The following NT5M variants were observed in gnomAD, a reference collection of about 807,000 sequenced individuals.
NT5M encodes 5'(3')-deoxyribonucleotidase, mitochondrial.
A neutral mutation model predicts 22.2 loss-of-function variants in NT5M; 22 were observed. The observed-to-expected ratio is 0.99, with a 90% CI of 0.71 to 1.41. NT5M has a LOEUF of 1.41. NT5M is among the 40% of genes most tolerant of loss of function. The probability of loss-of-function intolerance (pLI) is 0.00; values close to 1 mark genes in which losing one functional copy is unlikely to be tolerated. For synonymous variants in NT5M, 167 were observed against 133.0 expected (o/e 1.26, Z -1.76); for missense variants, 322 against 314.8 (o/e 1.02, Z -0.17).
chr17:17,328,837 AAAG>A lies in NT5M; in HGVS notation c.429+5596_429+5598del, dbSNP rs1170372348. ...TTGCCAGAACCTTCTTTCTGGCTGG[AAAG>A]AAGGTTTCCCAACATTCTAAACCCA... On this transcript the variant is annotated intron_variant, in intron 3 of 4. Coordinates refer to ENST00000389022, the MANE Select transcript of NT5M (RefSeq NM_020201.4). Among the ~76,000 whole-genome samples, 7 of 152,286 alleles carry A rather than the reference AAAG, an allele frequency of 4.6e-5. No individual in the cohort carries two copies. In the East Asian group the frequency reaches 1.4e-3, roughly 29 times the overall value.
chr17:17,304,414 G>A, intron 1 of NT5M: 1 of 985,428 alleles, frequency 1.0e-6, no homozygotes, highest in Non-Finnish European at 1.2e-6. Context: ...CGACTCCCGA[G>A]GTGTTCTGTC....
intron 3 of NT5M, among the ~76,000 whole-genome samples, chr17:17,324,243 G>C (rs1159850061): frequency 6.6e-6 from 1 of 151,328 alleles, no homozygotes; most frequent in Non-Finnish European, 1.5e-5. Flanking sequence ...CAGAACTCTG[G>C]GAGGCCGATG....
At chr17:17,327,980 C>T (rs1200251627) in intron 3 of NT5M, among the ~76,000 whole-genome samples, 8 of 152,166 alleles carry the variant, frequency 5.3e-5, no homozygotes, top group African/African-American at 1.2e-4. Context: ...TAGCTGAAGA[C>T]GTCTAGTGAG....
At chr17:17,337,151 G>C (rs1228932153) in intron 3 of NT5M, among the ~76,000 whole-genome samples, 1 of 152,184 alleles carries the variant, frequency 6.6e-6, no homozygotes, top group African/African-American at 2.4e-5. Flanking sequence ...TGACTGGGGT[G>C]AGATGATATT....
At chr17:17,313,641 G>C (rs1176114199) in intron 2 of NT5M, among the ~76,000 whole-genome samples, 2 of 152,190 alleles carry the variant, frequency 1.3e-5, no homozygotes, top group Non-Finnish European at 2.9e-5. Context: ...GGGGCTGCGG[G>C]GACACAAATA....
chr17:17,322,873 G>A (rs1223160809), intron 2 of NT5M, among the ~76,000 whole-genome samples: 1 of 152,200 alleles, frequency 6.6e-6, no homozygotes. Context: ...CCAGGCCAGG[G>A]GACTTGCATG....
intron 3 of NT5M, among the ~76,000 whole-genome samples, chr17:17,332,565 C>T (rs546444319): frequency 1.3e-5 from 2 of 152,280 alleles, no homozygotes; most frequent in South Asian, 2.1e-4. Flanking sequence ...AGAACGACAG[C>T]ACCGCTTTAT....
Position 17,303,598 on chromosome 17 carries a change from G to C in NT5M, c.48G>C (p.Ala16=). The C allele has an allele frequency of 2.5e-6, 3 of 1,215,648 alleles. No individual in the cohort carries two copies. The highest frequency in any genetic ancestry group is 3.1e-6 in the Non-Finnish European group (3 of 972,392). 75.3% of individuals were successfully genotyped at this position (1,215,648 alleles called of 1,614,324 possible). ...GWCARRLCSA[A]VPAGRRGAAG... ...GTGCGCGGCGGCTCTGCAGCGCGGC[G>C]GTTCCCGCGGGGCGGCGCGGGGCGG... The change falls in exon 1 of 5, where the codon GCG becomes GCC. Residue 16 remains alanine, a synonymous_variant. Transcript: ENST00000389022.
At chr17:17,320,700 G>T (rs2049132942) in intron 2 of NT5M, among the ~76,000 whole-genome samples, 1 of 152,152 alleles carries the variant, frequency 6.6e-6, no homozygotes, top group South Asian at 2.1e-4. Flanking sequence ...TTTAAAGCAG[G>T]AGTGCAGGCT....
intron 2 of NT5M, among the ~76,000 whole-genome samples, chr17:17,322,011 A>G (rs953055824): frequency 6.6e-6 from 1 of 151,804 alleles, no homozygotes. Flanking sequence ...GTGGAGAGGA[A>G]GTTGTTTGGA....
intron 3 of NT5M, among the ~76,000 whole-genome samples, chr17:17,338,483 G>A (rs2049565761): frequency 6.6e-6 from 1 of 152,084 alleles, no homozygotes; most frequent in Admixed American, 6.5e-5. Context: ...ATGAGCCACT[G>A]CGCCTGGCCT....
intron 3 of NT5M, among the ~76,000 whole-genome samples, chr17:17,329,213 C>T (rs1423727228): frequency 6.6e-6 from 1 of 152,158 alleles, no homozygotes; most frequent in Non-Finnish European, 1.5e-5. Flanking sequence ...CTCCTGACCT[C>T]GTGATCTGCC....
chr17:17,303,661 G>T lies in NT5M; in HGVS notation c.111G>T (p.Arg37=). 1 of 1,546,812 alleles carries T rather than the reference G, an allele frequency of 6.5e-7. No homozygotes were observed. The highest frequency in any genetic ancestry group is 8.7e-7 in the Non-Finnish European group (1 of 1,147,210). Residue 37 remains arginine (R), a synonymous_variant, in exon 1 of 5, where the codon CGG becomes CGT. Coordinates refer to ENST00000389022, the MANE Select transcript of NT5M (RefSeq NM_020201.4). Reference sequence around the variant, plus strand: ...GCCTGGCGGGAGGCCGCGCCCTACGGGTGCTGGTGGACATGGACGGCGTGC... The same window carrying T: ...GCCTGGCGGGAGGCCGCGCCCTACGTGTGCTGGTGGACATGGACGGCGTGC... ...GLGLAGGRAL[R]VLVDMDGVLA...
chr17:17,303,775 C>T lies in NT5M; in HGVS notation c.225C>T (p.Phe75=), dbSNP rs1284092101. ...TCGCGCTGGAGGACCGGCGCGGCTT[C>T]TGGGTGTCGGAGCAGTACGGCCGCC... ...PFIALEDRRG[F]WVSEQYGRLR... is the part of the protein sequence containing the mutation. The change falls in exon 1 of 5, where the codon TTC becomes TTT. Residue 75 remains phenylalanine, a synonymous_variant. Transcript: ENST00000389022. The T allele has an allele frequency of 6.3e-7, 1 of 1,579,968 alleles. No individual in the cohort carries two copies. The highest frequency in any genetic ancestry group is 1.7e-5 in the Admixed American group (1 of 57,528).
rs968428790 is a variant in NT5M at position 17,326,493 on chromosome 17, A to G, written c.429+3248A>G. Among the ~76,000 whole-genome samples, 6 of 152,236 alleles carry G rather than the reference A, an allele frequency of 3.9e-5. No homozygotes were observed. The East Asian group carries it at 9.6e-4, about 24-fold the overall frequency. On this transcript the variant is annotated intron_variant, in intron 3 of 4. Coordinates refer to ENST00000389022, the MANE Select transcript of NT5M (RefSeq NM_020201.4). ...AACAAAGGCAGGACTGATTAGAAGG[A>G]TATTGCCTTGCTCAGGGAATCAAAG...
intron 3 of NT5M, among the ~76,000 whole-genome samples, chr17:17,323,767 C>T (rs768676781): frequency 6.6e-6 from 1 of 152,158 alleles, no homozygotes; most frequent in Non-Finnish European, 1.5e-5. Flanking sequence ...CAGCTCTTCC[C>T]GAGCTGAGGA....
chr17:17,329,364 G>A (rs11652902), intron 3 of NT5M, among the ~76,000 whole-genome samples: 4 of 152,210 alleles, frequency 2.6e-5, no homozygotes, highest in Non-Finnish European at 5.9e-5. Flanking sequence ...CGGCCAGAAA[G>A]TGGGGAGTCA....
chr17:17,339,899 A>G (rs1017923402), intron 3 of NT5M, among the ~76,000 whole-genome samples: 5 of 152,166 alleles, frequency 3.3e-5, no homozygotes, highest in African/African-American at 1.2e-4. Flanking sequence ...TGAGGATTTT[A>G]GGAATCAATA....
chr17:17,325,230 G>A (rs942080620), intron 3 of NT5M, among the ~76,000 whole-genome samples: 7 of 152,144 alleles, frequency 4.6e-5, no homozygotes, highest in Non-Finnish European at 7.3e-5. Flanking sequence ...TGAACGACAT[G>A]GCCTCATTCA....
Sources: allele counts gnomAD v4.1 joint callset (sites outside exome capture counted in the v4.1 genomes callset), GRCh38; gene constraint gnomAD v4.1.1; transcripts MANE v1.5; gene names NCBI Gene and HGNC (gene_info 2026-07-23, HGNC 2026-07-21).